Variants in ADAMTS10 observed in about 807,000 individuals in gnomAD.
ADAMTS10 encodes A disintegrin and metalloproteinase with thrombospondin motifs 10.
A neutral mutation model predicts 135.9 loss-of-function variants in ADAMTS10; 48 were observed. That is an observed-to-expected ratio of 0.35 (90% CI 0.28 to 0.45). The LOEUF is 0.45. Ranked by LOEUF, ADAMTS10 falls within the 20% of genes least tolerant of loss-of-function variation. The pLI is 1.00. For missense variants in ADAMTS10, 1,131 were observed against 1,565.2 expected, an observed-to-expected ratio of 0.72 and a Z score of 4.68; for synonymous variants, 621 against 647.5, an observed-to-expected ratio of 0.96 and a Z score of 0.62.
chr19:8,595,711 C>A, intron 12 of ADAMTS10, 51 bp downstream of exon 12: 1 of 1,397,758 alleles, frequency 7.2e-7, no homozygotes, highest in South Asian at 1.1e-5. Context: ...CTCCCCCAGC[C>A]CCAGCGGCCC....
rs781973361 is a variant in ADAMTS10 at position 8,605,843 on chromosome 19, G to C, written c.-99-34C>G. ...GGGGAGCCAGGTAAGGGGGCGCCTG[G>C]TCCCGCTGTCCAGCACAACCAATGC... On this transcript the variant is annotated intron_variant, in intron 2 of 25. Coordinates refer to ENST00000597188, the MANE Select transcript of ADAMTS10 (RefSeq NM_030957.4). The surrounding 1 kb of genome is among the most constrained non-coding windows in gnomAD (Gnocchi z 7.7). The C allele has an allele frequency of 1.5e-5, 22 of 1,476,478 alleles. No individual in the cohort carries two copies. The highest frequency in any genetic ancestry group is 1.8e-5 in the Non-Finnish European group (20 of 1,116,682). 91.5% of individuals were successfully genotyped at this position (1,476,478 alleles called of 1,614,324 possible).
At chr19:8,585,780 C>T in intron 22 of ADAMTS10, 120 bp from the exon 23 acceptor site, 1 of 1,036,126 alleles carries the variant, frequency 9.7e-7, no homozygotes, top group Non-Finnish European at 1.4e-6. Context: ...GAAACTGGCA[C>T]CAGGCACCTC....
chr19:8,603,092 C>T (rs1555741805), intron 5 of ADAMTS10, among the ~76,000 whole-genome samples: 1 of 152,186 alleles, frequency 6.6e-6, no homozygotes. Flanking sequence ...CTGATACAAC[C>T]ACCACACCGT....
intron 6 of ADAMTS10, 43 bp from the exon 7 acceptor site, chr19:8,597,360 C>G (rs1555740523): frequency 6.4e-7 from 1 of 1,571,516 alleles, no homozygotes. Context: ...TAAGAGGAGC[C>G]CAGGGTAGAA....
intron 18 of ADAMTS10, among the ~76,000 whole-genome samples, chr19:8,588,910 G>C (rs2042477295): frequency 6.6e-6 from 1 of 152,024 alleles, no homozygotes; most frequent in Admixed American, 6.6e-5. Context: ...TCGTGCCTCA[G>C]CTTCCTGAGT....
intron 25 of ADAMTS10, among the ~76,000 whole-genome samples, chr19:8,582,953 T>G (rs2042374005): frequency 6.6e-6 from 1 of 151,884 alleles, no homozygotes; most frequent in Admixed American, 6.6e-5. Context: ...CCCAGCCTAA[T>G]TTTATTTTTT....
intron 5 of ADAMTS10, among the ~76,000 whole-genome samples, chr19:8,603,064 G>A (rs1444674265): frequency 6.6e-6 from 1 of 152,154 alleles, no homozygotes; most frequent in African/African-American, 2.4e-5. Context: ...CCTTTTGGCT[G>A]TATAACTGCT....
chr19:8,593,673 G>C (rs558085860), intron 12 of ADAMTS10, among the ~76,000 whole-genome samples: 13 of 152,256 alleles, frequency 8.5e-5, no homozygotes, highest in African/African-American at 3.1e-4. Context: ...GTGAGTTCAG[G>C]TGAAGCAAAA....
intron 15 of ADAMTS10, among the ~76,000 whole-genome samples, chr19:8,591,551 C>T (rs1333177275): frequency 6.6e-6 from 1 of 151,490 alleles, no homozygotes; most frequent in African/African-American, 2.4e-5. Context: ...AAGCGATTCT[C>T]CTGCCTCAGC....
chr19:8,610,422 G>GAC (rs111492620), intron 1 of ADAMTS10, among the ~76,000 whole-genome samples: 12,509 of 145,622 alleles, frequency 0.086, 959 homozygotes, highest in African/African-American at 0.22. Flanking sequence ...TACGTGGACG[G>GAC]ACACACACAC....
chr19:8,580,873 C>T lies in ADAMTS10; in HGVS notation c.*20G>A, dbSNP rs137928083. 1,115 of 1,577,292 alleles carry T rather than the reference C, an allele frequency of 7.1e-4. 9 individuals are homozygous for T. In the African/African-American group the frequency reaches 0.013, roughly 18 times the overall value. ...GCGGCGGAGACCCCGCCAGCTGTGG[C>T]TCCGGGTGCCGCGCGCCCCCTAGTG... On this transcript the variant is annotated 3_prime_UTR_variant, in exon 26 of 26. Transcript: ENST00000597188.
At chr19:8,602,959 G>C (rs1355239881) in intron 5 of ADAMTS10, among the ~76,000 whole-genome samples, 1 of 152,168 alleles carries the variant, frequency 6.6e-6, no homozygotes, top group African/African-American at 2.4e-5. Context: ...GATTGTGTTG[G>C]TAAGTATTTT....
chr19:8,589,781 G>T, intron 16 of ADAMTS10, 108 bp downstream of exon 16: 1 of 1,422,958 alleles, frequency 7.0e-7, no homozygotes, highest in Non-Finnish European at 9.7e-7. Flanking sequence ...TCCCCGGGTG[G>T]GGACAGGGCT....
chr19:8,585,979 A>G (rs1264368551), intron 22 of ADAMTS10, 143 bp downstream of exon 22: 7 of 1,405,662 alleles, frequency 5.0e-6, no homozygotes, highest in Non-Finnish European at 6.8e-6. Context: ...CATAACTCCT[A>G]TAGAACCATC....
At chr19:8,592,427 G>C (rs997478070) in intron 13 of ADAMTS10, among the ~76,000 whole-genome samples, 1 of 152,042 alleles carries the variant, frequency 6.6e-6, no homozygotes, top group Non-Finnish European at 1.5e-5. Flanking sequence ...GGCCAGAGCC[G>C]AGGGCAGCAC....
rs2042665864 is a variant in ADAMTS10, at chr19:8,601,145, T to G, written c.593A>C (p.Asp198Ala). The G allele has an allele frequency of 1.2e-6, 2 of 1,612,974 alleles. No homozygotes were observed. The highest frequency in any genetic ancestry group is 1.7e-6 in the Non-Finnish European group (2 of 1,180,014). Residue 198 changes from aspartate (D) to alanine (A), a missense_variant and splice_region_variant, in exon 6 of 26, where the codon GAT (aspartate) becomes GCT (alanine). Coordinates refer to ENST00000597188, the MANE Select transcript of ADAMTS10 (RefSeq NM_030957.4). The surrounding 1 kb of genome is among the most constrained non-coding windows in gnomAD (Gnocchi z 4.6). ...PHLDTACGVR[D>A]EKPWKGRPWW... Reference sequence around the variant, plus strand: ...TGGCCGCCCTTTCCACGGTTTCTCATCTGGGGAACCCAGTAGAGCAATTAA... The same window carrying G: ...TGGCCGCCCTTTCCACGGTTTCTCAGCTGGGGAACCCAGTAGAGCAATTAA...
rs2042335444 is a variant in ADAMTS10 at position 8,580,858 on chromosome 19, C to T, written c.*35G>A. On this transcript the variant is annotated 3_prime_UTR_variant, in exon 26 of 26. Coordinates refer to ENST00000597188, the MANE Select transcript of ADAMTS10 (RefSeq NM_030957.4). Reference sequence around the variant, plus strand: ...CCCGCTGCAGGGCTGGCGGCGGAGACCCCGCCAGCTGTGGCTCCGGGTGCC... The same window carrying T: ...CCCGCTGCAGGGCTGGCGGCGGAGATCCCGCCAGCTGTGGCTCCGGGTGCC... 1 of 1,538,414 alleles carries T rather than the reference C, an allele frequency of 6.5e-7. No homozygotes were observed. The highest frequency in any genetic ancestry group is 8.8e-7 in the Non-Finnish European group (1 of 1,131,890).
chr19:8,585,411 C>T, intron 23 of ADAMTS10, 45 bp downstream of exon 23: 1 of 1,536,960 alleles, frequency 6.5e-7, no homozygotes, highest in Non-Finnish European at 8.7e-7. Context: ...CCGTGGACAC[C>T]CCACCTGGGC....
Position 8,589,523 on chromosome 19 carries a change from C to T in ADAMTS10, c.1963G>A (p.Ala655Thr), listed in dbSNP as rs1281145925. The T allele has an allele frequency of 6.2e-7, 1 of 1,613,296 alleles. No individual in the cohort carries two copies. The highest frequency in any genetic ancestry group is 1.3e-5 in the African/African-American group (1 of 74,864). The change falls in exon 17 of 26, where the codon GCG becomes ACG. Residue 655 changes from alanine (A) to threonine (T), a missense_variant. Around this residue, in one of 3 missense-constraint regions of ADAMTS10, gnomAD observed 745 missense variants for 1,056.3 expected, o/e 0.71. Transcript: ENST00000597188. Reference sequence around the variant, plus strand: ...GGTGTCCCGTCCACCACGGCTGCCGCCCTCTCCGTGTAGAAGTTGAAGCCT... The same window carrying T: ...GGTGTCCCGTCCACCACGGCTGCCGTCCTCTCCGTGTAGAAGTTGAAGCCT... ...AEGFNFYTER[A>T]AAVVDGTPCR...
Sources: allele counts gnomAD v4.1 joint callset (sites outside exome capture counted in the v4.1 genomes callset), GRCh38; gene constraint gnomAD v4.1.1; regional missense constraint gnomAD v4.1.1; non-coding constraint Gnocchi (gnomAD v3.1); transcripts MANE v1.5; gene names NCBI Gene and HGNC (gene_info 2026-07-23, HGNC 2026-07-21).